The following RARB variants were observed in gnomAD, a reference collection of about 807,000 sequenced individuals.
RARB encodes the protein HBV-activated protein.
A neutral mutation model predicts 51.9 loss-of-function variants in RARB; 17 were observed. The ratio of observed to expected loss-of-function variants is 0.33; its 90% CI spans 0.22 to 0.49. RARB has a LOEUF of 0.49. RARB is among the 20% of genes least tolerant of loss of function. The probability of loss-of-function intolerance (pLI) is 0.99; values close to 1 mark genes in which losing one functional copy is unlikely to be tolerated. For synonymous variants in RARB, 215 were observed against 195.4 expected, an observed-to-expected ratio of 1.10 and a Z score of -0.84; for missense variants, 369 against 550.8, an observed-to-expected ratio of 0.67 and a Z score of 3.30.
intron 2 of RARB, among the ~76,000 whole-genome samples, chr3:25,037,522 G>A (rs962117289): frequency 3.3e-5 from 5 of 152,148 alleles, no homozygotes; most frequent in Non-Finnish European, 5.9e-5. Context: ...TTAAGGAGGT[G>A]AATGGATTGA....
At chr3:25,485,198 A>C (rs963352336) in intron 2 of RARB, among the ~76,000 whole-genome samples, 1 of 152,274 alleles carries the variant, frequency 6.6e-6, no homozygotes, top group Non-Finnish European at 1.5e-5. Flanking sequence ...GTAATATCAG[A>C]AAATGTGGCC....
At chr3:24,847,792 A>G (rs141943157) in intron 1 of RARB, among the ~76,000 whole-genome samples, 41 of 152,306 alleles carry the variant, frequency 2.7e-4, no homozygotes, top group Non-Finnish European at 4.9e-4. Context: ...TCTAGGTTGG[A>G]GCTGCAGAGT....
chr3:25,434,649 C>A (rs959090044), intron 1 of RARB, among the ~76,000 whole-genome samples: 1 of 149,544 alleles, frequency 6.7e-6, no homozygotes, highest in East Asian at 2.0e-4. Context: ...TCAAGTGATT[C>A]TCCTGCCTCA....
intron 4 of RARB, among the ~76,000 whole-genome samples, chr3:25,152,307 C>G (rs1292939009): frequency 6.6e-6 from 1 of 152,084 alleles, no homozygotes; most frequent in East Asian, 1.9e-4. Context: ...AAATTTTACC[C>G]TTTTCCACTG....
intron 5 of RARB, among the ~76,000 whole-genome samples, chr3:25,346,498 A>G (rs1387964833): frequency 6.6e-6 from 1 of 151,620 alleles, no homozygotes; most frequent in East Asian, 1.9e-4. Flanking sequence ...ATTGCTTTTT[A>G]TCTCTACTCC....
At chr3:25,075,587 C>T (rs1698855623) in intron 3 of RARB, among the ~76,000 whole-genome samples, 1 of 151,712 alleles carries the variant, frequency 6.6e-6, no homozygotes, top group African/African-American at 2.4e-5. Flanking sequence ...TTTACTGGAA[C>T]TCTGCTAATT....
chr3:24,882,929 G>T (rs1337340996), intron 2 of RARB, among the ~76,000 whole-genome samples: 1 of 152,134 alleles, frequency 6.6e-6, no homozygotes, highest in South Asian at 2.1e-4. Flanking sequence ...TGGTGAGGGG[G>T]TATATGGAAA....
intron 1 of RARB, among the ~76,000 whole-genome samples, chr3:25,443,069 C>T (rs1398544048): frequency 6.6e-6 from 1 of 152,144 alleles, no homozygotes. Flanking sequence ...CGTGTGTCCT[C>T]TGCTCATAAC....
At chr3:24,832,167 G>T (rs1031152142) in intron 1 of RARB, among the ~76,000 whole-genome samples, 1 of 152,142 alleles carries the variant, frequency 6.6e-6, no homozygotes, top group African/African-American at 2.4e-5. Flanking sequence ...TAAAATGCCA[G>T]CAAAACAGCT....
intron 3 of RARB, among the ~76,000 whole-genome samples, chr3:25,556,391 T>G (rs1195227767): frequency 2.0e-5 from 3 of 152,138 alleles, no homozygotes; most frequent in African/African-American, 4.8e-5. Flanking sequence ...AGATTTTCTT[T>G]TAGTAACACA....
chr3:24,933,160 CAAT>C (rs975689712), intron 2 of RARB, among the ~76,000 whole-genome samples: 44 of 151,786 alleles, frequency 2.9e-4, no homozygotes, highest in Non-Finnish European at 7.4e-5. Flanking sequence ...TTTAAAAAAA[CAAT>C]AAAAATATGC....
At chr3:25,219,363 A>G (rs902803418) in intron 5 of RARB, among the ~76,000 whole-genome samples, 4 of 152,156 alleles carry the variant, frequency 2.6e-5, no homozygotes, top group African/African-American at 9.7e-5. Flanking sequence ...TGTAAAAGAG[A>G]GAGAGCATAG....
intron 2 of RARB, among the ~76,000 whole-genome samples, chr3:25,051,256 G>A (rs1698326675): frequency 6.6e-6 from 1 of 152,124 alleles, no homozygotes; most frequent in Admixed American, 6.6e-5. Flanking sequence ...ATACATGTAT[G>A]GGGGAGGAAT....
chr3:24,850,689 C>G (rs1039205774), intron 1 of RARB, among the ~76,000 whole-genome samples: 2 of 152,144 alleles, frequency 1.3e-5, no homozygotes, highest in Non-Finnish European at 2.9e-5. Flanking sequence ...ATGTGAGGTT[C>G]TGGGTCTTTG....
intron 3 of RARB, among the ~76,000 whole-genome samples, chr3:25,116,842 T>C (rs936249809): frequency 2.6e-5 from 4 of 152,072 alleles, no homozygotes; most frequent in Admixed American, 6.6e-5. Context: ...CCCTAGGTGA[T>C]TCATGACAAC....
chr3:25,441,773 A>G (rs774572274), intron 1 of RARB, among the ~76,000 whole-genome samples: 2 of 152,000 alleles, frequency 1.3e-5, no homozygotes, highest in Admixed American at 6.5e-5. Context: ...CTCCTTTTGC[A>G]TATGTTTGTT....
chr3:25,371,064 C>T (rs182000799), intron 5 of RARB, among the ~76,000 whole-genome samples: 38 of 152,250 alleles, frequency 2.5e-4, no homozygotes, highest in East Asian at 1.4e-3. Flanking sequence ...TTATCCAAGA[C>T]GATTTCTCCT....
chr3:25,165,875 CTAT>C (rs985504764), intron 4 of RARB, among the ~76,000 whole-genome samples: 6 of 152,012 alleles, frequency 3.9e-5, no homozygotes, highest in Admixed American at 3.9e-4. Context: ...GCATTTCTGC[CTAT>C]TATTTTTTCT....
At chr3:25,381,096 A>C (rs1706611030) in intron 5 of RARB, among the ~76,000 whole-genome samples, 1 of 152,060 alleles carries the variant, frequency 6.6e-6, no homozygotes, top group Admixed American at 6.5e-5. Context: ...TAAAATAATA[A>C]TTATTGAATC....
Sources: gnomAD v4.1 joint callset for allele counts (sites outside exome capture counted in the v4.1 genomes callset) on GRCh38, gnomAD v4.1.1 for gene constraint, MANE v1.5 for transcripts, NCBI Gene and HGNC (gene_info 2026-07-23, HGNC 2026-07-21) for gene names.